The following MCM9 variants were observed in gnomAD, a reference collection of about 807,000 sequenced individuals.
MCM9 encodes minichromosome maintenance 9 homologous recombination repair factor, also known as DNA helicase MCM9.
Under a neutral mutation model 72.8 loss-of-function variants are expected in MCM9, and 55 were observed. The ratio of observed to expected loss-of-function variants is 0.76; its 90% confidence interval spans 0.61 to 0.95. MCM9 has a LOEUF of 0.95. Among genes scored for constraint, MCM9 ranks in the 40% least tolerant of loss-of-function variants. MCM9 has a pLI of 0.00. For missense variants in MCM9, 1,279 were observed against 1,377.0 expected (o/e 0.93, Z 1.13); for synonymous variants, 480 against 503.4 (o/e 0.95, Z 0.62).
chr6:118,911,221 CTAAGAAAT>C, intron 8 of MCM9: 1 of 985,996 alleles, frequency 1.0e-6, no homozygotes, highest in Non-Finnish European at 1.2e-6. Flanking sequence ...CATTCCCTAC[CTAAGAAAT>C]TTCAGTAGGA....
chr6:118,895,044 C>G (rs902203580), intron 8 of MCM9, among the ~76,000 whole-genome samples: 1 of 152,192 alleles, frequency 6.6e-6, no homozygotes, highest in African/African-American at 2.4e-5. Context: ...GAAAGGCAGG[C>G]AGGCACTCTC....
intron 5 of MCM9, chr6:118,918,018 T>C (rs1781103464): frequency 2.0e-6 from 1 of 488,548 alleles, no homozygotes; most frequent in East Asian, 3.4e-5. Context: ...ATGATAATCC[T>C]ACAAAATTAT....
intron 3 of MCM9, among the ~76,000 whole-genome samples, chr6:118,927,194 A>C (rs1781967189): frequency 1.3e-5 from 2 of 152,238 alleles, no homozygotes; most frequent in African/African-American, 4.8e-5. Context: ...TATTAAAACA[A>C]GAAAAACTAA....
At chr6:118,859,501 G>A (rs568406988) in intron 8 of MCM9, among the ~76,000 whole-genome samples, 54 of 152,332 alleles carry the variant, frequency 3.5e-4, no homozygotes, top group African/African-American at 1.3e-3. Flanking sequence ...TGGTCAGGCA[G>A]ATACAGAGAA....
chr6:118,893,322 TC>T (rs1345966457), intron 8 of MCM9, among the ~76,000 whole-genome samples: 4 of 152,214 alleles, frequency 2.6e-5, no homozygotes, highest in Non-Finnish European at 5.9e-5. Context: ...GTGTTCTTTT[TC>T]CCATCTCTAT....
intron 8 of MCM9, among the ~76,000 whole-genome samples, chr6:118,867,443 A>G (rs1458891828): frequency 6.6e-6 from 1 of 152,192 alleles, no homozygotes; most frequent in South Asian, 2.1e-4. Flanking sequence ...AAGCCCTTAT[A>G]TTCACTCACT....
chr6:118,818,422 G>C (rs776749161), intron 13 of MCM9, among the ~76,000 whole-genome samples: 5 of 152,086 alleles, frequency 3.3e-5, no homozygotes, highest in Non-Finnish European at 7.4e-5. Context: ...GAGGTCTGTG[G>C]AAGATCAGAT....
rs537976833 is a variant in MCM9 at position 118,822,971 on chromosome 6, C to T, written c.1961+3176G>A. Among the ~76,000 whole-genome samples the T allele has an allele frequency of 9.2e-5, 14 of 152,240 alleles. No homozygotes were observed. In the East Asian group the frequency reaches 1.7e-3, roughly 19 times the overall value. On this transcript the variant is annotated intron_variant, in intron 13 of 13. Transcript: ENST00000619706. Reference sequence around the variant, plus strand: ...GGGGACACTCCTCCCCCTACAAGCTCGATCATCCCAAGTCGACTTCAGAAT... The same window carrying T: ...GGGGACACTCCTCCCCCTACAAGCTTGATCATCCCAAGTCGACTTCAGAAT...
At chr6:118,843,004 A>C (rs1275752802) in intron 9 of MCM9, among the ~76,000 whole-genome samples, 1 of 152,228 alleles carries the variant, frequency 6.6e-6, no homozygotes, top group Non-Finnish European at 1.5e-5. Flanking sequence ...TGATTCAAGA[A>C]GACCTATATT....
At chr6:118,934,731 C>T (rs1044270097) in intron 1 of MCM9, 160 bp downstream of exon 1, 1 of 152,336 alleles carries the variant, frequency 6.6e-6, no homozygotes, top group South Asian at 2.1e-4. Context: ...CCCACAACAC[C>T]TTGGCAGTCT....
intron 5 of MCM9, chr6:118,920,588 C>T (rs977698793): frequency 1.3e-5 from 2 of 152,218 alleles, no homozygotes; most frequent in Non-Finnish European, 2.9e-5. Context: ...CTTGGGCCAC[C>T]CTTTTGGTGA....
At chr6:118,828,245 G>T in intron 10 of MCM9, 115 bp from the exon 11 acceptor site, 2 of 852,298 alleles carry the variant, frequency 2.3e-6, no homozygotes, top group Non-Finnish European at 3.6e-6. Flanking sequence ...CATGTTTTGT[G>T]GTTATTGAAA....
rs1280247258 is a variant in MCM9, at chr6:118,829,214, C to T, written c.1362G>A (p.Leu454=). 6.4e-7 allele frequency: 1 copy of T among 1,550,572 alleles called. No individual in the cohort carries two copies. The highest frequency in any genetic ancestry group is 8.7e-7 in the Non-Finnish European group (1 of 1,146,864). ...VCKLNTRTTI[L]AATNPKGQYD... is the part of the protein sequence containing the mutation. ...ACTGGCCTTTGGGGTTCGTTGCTGC[C>T]AGGATGGTGGTCCTTGTGTTCAGCT... Residue 454 remains leucine (L), a synonymous_variant, in exon 10 of 14, where the codon CTG becomes CTA. Transcript: ENST00000619706.
chr6:118,862,442 T>C (rs1043062401), intron 8 of MCM9, among the ~76,000 whole-genome samples: 21 of 152,212 alleles, frequency 1.4e-4, no homozygotes, highest in African/African-American at 5.1e-4. Context: ...CTCACCCTAA[T>C]GTAGAATCAG....
intron 8 of MCM9, among the ~76,000 whole-genome samples, chr6:118,886,276 G>A (rs1270115555): frequency 6.6e-6 from 1 of 152,056 alleles, no homozygotes; most frequent in Admixed American, 6.6e-5. Flanking sequence ...GAACAAGACA[G>A]AGATGTTTGC....
intron 8 of MCM9, among the ~76,000 whole-genome samples, chr6:118,881,729 AT>A (rs1562421846): frequency 6.6e-6 from 1 of 152,214 alleles, no homozygotes; most frequent in African/African-American, 2.4e-5. Context: ...GGTGAAAATT[AT>A]TTTTTAAAAT....
chr6:118,831,701 T>C (rs1392986635), intron 9 of MCM9, among the ~76,000 whole-genome samples: 1 of 152,208 alleles, frequency 6.6e-6, no homozygotes, highest in African/African-American at 2.4e-5. Context: ...CAGTGCGTAG[T>C]AGTGGCTCAC....
At chr6:118,897,966 A>T (rs1396313597) in intron 8 of MCM9, among the ~76,000 whole-genome samples, 2 of 152,242 alleles carry the variant, frequency 1.3e-5, no homozygotes, top group Non-Finnish European at 2.9e-5. Flanking sequence ...GTTCTTGTTA[A>T]GGCTAGATTC....
At chr6:118,920,882 A>G (rs1430574433) in intron 5 of MCM9, 1 of 152,212 alleles carries the variant, frequency 6.6e-6, no homozygotes, top group Non-Finnish European at 1.5e-5. Flanking sequence ...ATGGACTAAC[A>G]GCCCAAAATG....
Sources: allele counts gnomAD v4.1 joint callset (sites outside exome capture counted in the v4.1 genomes callset), GRCh38; gene constraint gnomAD v4.1.1; transcripts MANE v1.5; gene names NCBI Gene and HGNC (gene_info 2026-07-23, HGNC 2026-07-21).